Variants in ABCB9 observed in about 807,000 individuals in gnomAD.
The protein encoded by ABCB9 is ABC-type oligopeptide transporter ABCB9.
In ABCB9, 36 loss-of-function variants were observed where a neutral mutation model predicts 62.0. That is an observed-to-expected ratio of 0.58 (90% CI 0.45 to 0.77). ABCB9 has a LOEUF of 0.77. ABCB9 is among the 30% of genes least tolerant of loss of function. The probability of loss-of-function intolerance (pLI) is 0.00; values close to 1 mark genes in which losing one functional copy is unlikely to be tolerated. For synonymous variants in ABCB9, 435 were observed against 461.4 expected, an observed-to-expected ratio of 0.94 and a Z score of 0.73; for missense variants, 943 against 1,054.7, an observed-to-expected ratio of 0.89 and a Z score of 1.47.
intron 11 of ABCB9, chr12:122,921,140 CGTGATGGGGCACACCTGTAATCCCAGCA>C (rs2034736446): frequency 1.6e-6 from 2 of 1,236,232 alleles, no homozygotes; most frequent in Non-Finnish European, 2.3e-6. Flanking sequence ...GTTGGCTGGG[CGTGATGGGGCACACCTGTAATCCCAGCA>C]CTTTGGGAGG....
intron 7 of ABCB9, among the ~76,000 whole-genome samples, chr12:122,943,460 T>G (rs2035874517): frequency 6.6e-6 from 1 of 152,200 alleles, no homozygotes; most frequent in South Asian, 2.1e-4. Flanking sequence ...CAGGCCCGGC[T>G]GGCCCTGAGC....
exon 12 of ABCB9, chr12:122,920,981 G>A: frequency 6.6e-7 from 1 of 1,526,426 alleles, no homozygotes; most frequent in Non-Finnish European, 8.8e-7. Flanking sequence ...TACCTGAATG[G>A]TTATCATTGT....
chr12:122,959,873 C>T lies in ABCB9; in HGVS notation c.363G>A (p.Val121=), dbSNP rs116612990. Residue 121 remains valine (V), a synonymous_variant, in exon 2 of 12, where the codon GTG becomes GTA. Coordinates refer to ENST00000280560, the MANE Select transcript of ABCB9 (RefSeq NM_019625.4). The surrounding 1 kb of genome is among the most constrained non-coding windows in gnomAD (Gnocchi z 5.4). Reference sequence around the variant, plus strand: ...ATGCGCCGAGTGAAATGTACGTCCACACGAACAGGGCCCAAAACCAGGGGT... The same window carrying T: ...ATGCGCCGAGTGAAATGTACGTCCATACGAACAGGGCCCAAAACCAGGGGT... ...IRDPWFWALF[V]WTYISLGASF... is the part of the protein sequence containing the mutation. The T allele has an allele frequency of 6.8e-5, 110 of 1,613,542 alleles. No individual in the cohort carries two copies. In the African/African-American group the frequency reaches 1.2e-3, roughly 17 times the overall value.
downstream of ABCB9, among the ~76,000 whole-genome samples, chr12:122,926,312 AG>A (rs2034904514): frequency 6.6e-6 from 1 of 152,206 alleles, no homozygotes; most frequent in African/African-American, 2.4e-5. Flanking sequence ...TGGGAGGCCG[AG>A]GCAGGTGGAT....
chr12:122,948,901 G>A, intron 4 of ABCB9, 72 bp from the exon 5 acceptor site: 1 of 1,356,680 alleles, frequency 7.4e-7, no homozygotes, highest in South Asian at 1.6e-5. Flanking sequence ...GATGCTAAGG[G>A]GCCTCTGAGA....
intron 1 of ABCB9, among the ~76,000 whole-genome samples, chr12:122,963,498 G>A (rs982550020): frequency 7.2e-5 from 11 of 152,106 alleles, no homozygotes; most frequent in African/African-American, 2.2e-4. Flanking sequence ...TTACAGTTAG[G>A]AAAACTGAGG....
intron 2 of ABCB9, 49 bp from the exon 3 acceptor site, chr12:122,950,614 G>T: frequency 6.8e-7 from 1 of 1,462,592 alleles, no homozygotes; most frequent in Non-Finnish European, 9.4e-7. Flanking sequence ...AGGGGAACCC[G>T]CACCCTTCCT....
rs1041794106 is a variant in ABCB9 at position 122,946,816 on chromosome 12, C to T, written c.1054-594G>A. ...GAGCTGAAAAGTGGTCCCAAGTGTG[C>T]GGCCATCAGGCTGCTGTTCACCAGA... is the stretch of plus-strand genomic sequence containing the variant. On this transcript the variant is annotated intron_variant, in intron 5 of 11. Transcript: ENST00000280560. 4.6e-5 allele frequency among the ~76,000 whole-genome samples: 7 copies of T among 152,344 alleles called. No individual in the cohort carries two copies. In the South Asian group the frequency reaches 1.5e-3, roughly 32 times the overall value.
chr12:122,926,828 A>G (rs2034920059), downstream of ABCB9, among the ~76,000 whole-genome samples: 1 of 152,206 alleles, frequency 6.6e-6, no homozygotes, highest in African/African-American at 2.4e-5. Context: ...TGAGCCCAGA[A>G]GGTTGAGGCT....
intron 11 of ABCB9, chr12:122,921,146 G>A: frequency 8.5e-7 from 1 of 1,178,308 alleles, no homozygotes; most frequent in Non-Finnish European, 1.2e-6. Flanking sequence ...TGGGCGTGAT[G>A]GGGCACACCT....
At position 122,959,654 on chromosome 12, in the gene ABCB9, G is replaced by A. The variant is rs1277175179; in HGVS notation, c.582C>T (p.Phe194=). 1.3e-6 allele frequency: 2 copies of A among 1,569,154 alleles called. No homozygotes were observed. Among genetic ancestry groups the A allele is most frequent in the Middle Eastern group, 1.7e-4 (1 of 5,894 alleles). ...DVAFLVAASF[F]LIVAALGETF... is the part of the protein sequence containing the mutation. ...ACTTACCCAGAGCTGCCACGATGAG[G>A]AAGAAGGAGGCGGCCACGAGGAAGG... The change falls in exon 2 of 12, where the codon TTC becomes TTT. Residue 194 remains phenylalanine, a synonymous_variant. Transcript: ENST00000280560. The surrounding 1 kb of genome is among the most constrained non-coding windows in gnomAD (Gnocchi z 5.4).
At position 122,940,996 on chromosome 12, in the gene ABCB9, C is replaced by G; in HGVS notation, c.1381-1G>C. Reference sequence around the variant, plus strand: ...GGCCACTGTAGACGGAGCCCACGGACTGGGGAGAGGAGACACGCGTTCCTG... The same window carrying G: ...GGCCACTGTAGACGGAGCCCACGGAGTGGGGAGAGGAGACACGCGTTCCTG... On this transcript the variant is annotated splice_acceptor_variant, in intron 7 of 11. Transcript: ENST00000280560. LOFTEE classifies it high-confidence loss of function. The surrounding 1 kb of genome is among the most constrained non-coding windows in gnomAD (Gnocchi z 4.8). 2 of 1,595,816 alleles carry G rather than the reference C, an allele frequency of 1.3e-6. No individual in the cohort carries two copies. The highest frequency in any genetic ancestry group is 1.7e-6 in the Non-Finnish European group (2 of 1,167,114).
intron 11 of ABCB9, among the ~76,000 whole-genome samples, chr12:122,921,204 T>C (rs1480301250): frequency 1.3e-5 from 2 of 150,442 alleles, no homozygotes; most frequent in Non-Finnish European, 3.0e-5. Context: ...CGCTTGAAAC[T>C]AGGAATGTAA....
At chr12:122,926,608 G>A (rs1300722874), downstream of ABCB9, among the ~76,000 whole-genome samples, 1 of 152,060 alleles carries the variant, frequency 6.6e-6, no homozygotes, top group East Asian at 1.9e-4. Context: ...TATATCTCTA[G>A]CTGGGCGTGG....
intron 5 of ABCB9, 104 bp downstream of exon 5, chr12:122,948,520 G>GA (rs751977583): frequency 1.2e-4 from 125 of 1,079,294 alleles, no homozygotes; most frequent in Non-Finnish European, 1.6e-4. Context: ...ACAGCCTCAA[G>GA]ACCTGTCCTT....
At chr12:122,919,171 CTTTA>C (rs1382121332), downstream of ABCB9, among the ~76,000 whole-genome samples, 1 of 151,970 alleles carries the variant, frequency 6.6e-6, no homozygotes, top group Non-Finnish European at 1.5e-5. Flanking sequence ...CACTTTTTGG[CTTTA>C]TTTTATTATT....
chr12:122,932,179 C>T lies in ABCB9; in HGVS notation c.2040+13G>A. On this transcript the variant is annotated intron_variant, in intron 11 of 11. Coordinates refer to ENST00000280560, the MANE Select transcript of ABCB9 (RefSeq NM_019625.4). This position sits in a 1 kb window ranked among gnomAD's most constrained non-coding sequence, Gnocchi z 4.7. ...GCTCCTGCCCCCGCATTGCCCACCA[C>T]CCTGTGACTCACCAGATACTCGCTC... The T allele has an allele frequency of 6.4e-7, 1 of 1,551,894 alleles. No homozygotes were observed. The highest frequency in any genetic ancestry group is 8.7e-7 in the Non-Finnish European group (1 of 1,147,530).
chr12:122,933,508 C>T (rs148188282), intron 10 of ABCB9, among the ~76,000 whole-genome samples: 2,962 of 151,592 alleles, frequency 0.02, 60 homozygotes, highest in Non-Finnish European at 0.023. Context: ...GAGCCGAGAT[C>T]GCGCCACTGC....
At position 122,932,683 on chromosome 12, in the gene ABCB9, A is replaced by G. The variant is rs553767250; in HGVS notation, c.1904-355T>C. Among the ~76,000 whole-genome samples, 1 of 152,260 alleles carries G rather than the reference A, an allele frequency of 6.6e-6. No individual in the cohort carries two copies. The highest frequency in any genetic ancestry group is 2.1e-4 in the South Asian group (1 of 4,822). On this transcript the variant is annotated intron_variant, in intron 10 of 11. Coordinates refer to ENST00000280560, the MANE Select transcript of ABCB9 (RefSeq NM_019625.4). This position sits in a 1 kb window ranked among gnomAD's most constrained non-coding sequence, Gnocchi z 4.7. ...GAGCTGCAGCAATAACCCTGGGTCT[A>G]TGAGTCTGTGCAGTGCAAAGGTTGT...
Sources: allele counts gnomAD v4.1 joint callset (sites outside exome capture counted in the v4.1 genomes callset), GRCh38; gene constraint gnomAD v4.1.1; non-coding constraint Gnocchi (gnomAD v3.1); transcripts MANE v1.5; gene names NCBI Gene and HGNC (gene_info 2026-07-23, HGNC 2026-07-21).